UPF2: variants seen among roughly 807,000 people sequenced by gnomAD.
The protein encoded by UPF2 is regulator of nonsense transcripts 2.
In UPF2, 17 loss-of-function variants were observed where a neutral mutation model predicts 141.4. The ratio of observed to expected loss-of-function variants is 0.12; its 90% CI spans 0.08 to 0.18. The LOEUF (loss-of-function observed/expected upper bound fraction) is 0.18, where lower values mean the gene tolerates loss of function less well. Among genes scored for constraint, UPF2 ranks in the 10% least tolerant of loss-of-function variants. The probability of loss-of-function intolerance (pLI) is 1.00; values close to 1 mark genes in which losing one functional copy is unlikely to be tolerated. For synonymous variants in UPF2, 540 were observed against 498.0 expected (o/e 1.08, Z -1.12); for missense variants, 1,152 against 1,515.9 (o/e 0.76, Z 3.99).
In UPF2 at chr10:12,035,441, T is replaced by C; in HGVS notation, c.-18A>G. On this transcript the variant is annotated splice_region_variant and 5_prime_UTR_variant, in exon 2 of 22. Coordinates refer to ENST00000357604, the MANE Select transcript of UPF2 (RefSeq NM_015542.4). ...GCTGGCATTATGTGACCCAGGACAA[T>C]CTGTAAGAGGGAAAGAATGTCAGTA... 6.6e-7 allele frequency: 1 copy of C among 1,525,772 alleles called. No individual in the cohort carries two copies. The highest frequency in any genetic ancestry group is 2.4e-5 in the Admixed American group (1 of 40,952). 94.5% of individuals were successfully genotyped at this position (1,525,772 alleles called of 1,614,324 possible). A position where few individuals can be genotyped will look rare whatever the true frequency, so the allele number is the denominator to read the frequency against.
chr10:12,006,249 T>C (rs1034375057), intron 4 of UPF2, among the ~76,000 whole-genome samples: 2 of 152,212 alleles, frequency 1.3e-5, no homozygotes, highest in South Asian at 2.1e-4. Context: ...AGATGAAGCG[T>C]ACAGATCTCT....
chr10:12,005,630 G>C (rs541571741), intron 4 of UPF2, among the ~76,000 whole-genome samples: 1 of 152,142 alleles, frequency 6.6e-6, no homozygotes, highest in African/African-American at 2.4e-5. Context: ...GTACAATGGC[G>C]CAACATCAGC....
At chr10:12,017,987 T>C (rs967883858) in intron 3 of UPF2, among the ~76,000 whole-genome samples, 1 of 152,236 alleles carries the variant, frequency 6.6e-6, no homozygotes, top group African/African-American at 2.4e-5. Flanking sequence ...TGCCAATTAA[T>C]ACAGTATGAC....
At chr10:12,012,342 G>A (rs987307752) in intron 4 of UPF2, among the ~76,000 whole-genome samples, 16 of 152,082 alleles carry the variant, frequency 1.1e-4, no homozygotes, top group African/African-American at 3.6e-4. Flanking sequence ...GATTAGAGGC[G>A]TGAGCCACCG....
chr10:11,999,783 G>A, intron 7 of UPF2, 123 bp downstream of exon 7: 1 of 783,156 alleles, frequency 1.3e-6, no homozygotes, highest in Admixed American at 2.4e-5. Flanking sequence ...TCCCATCTAA[G>A]ACTTTATTTG....
At chr10:11,949,296 AAC>A (rs1833044257) in intron 15 of UPF2, among the ~76,000 whole-genome samples, 2 of 152,188 alleles carry the variant, frequency 1.3e-5, no homozygotes, top group South Asian at 4.1e-4. Context: ...CCTGTCACAG[AAC>A]ACACTGCTTT....
At chr10:11,923,006 C>T (rs1161578764) in intron 21 of UPF2, among the ~76,000 whole-genome samples, 2 of 152,088 alleles carry the variant, frequency 1.3e-5, no homozygotes, top group Non-Finnish European at 2.9e-5. Context: ...TGTACTCCAG[C>T]CTGGGTGACA....
In UPF2 at chr10:12,029,392, T is replaced by C. The variant is rs776438683; in HGVS notation, c.498A>G (p.Ser166=). The change falls in exon 3 of 22, where the codon TCA becomes TCG. Residue 166 remains serine (S), a synonymous_variant. Coordinates refer to ENST00000357604, the MANE Select transcript of UPF2 (RefSeq NM_015542.4). The part of the protein sequence containing the change: ...PEENFFSRLD[S]SLKKNTAFVK... ...CAAAAGCAGTATTTTTCTTCAAACT[T>C]GAGTCGAGGCGGCTGAAGAAGTTTT... 1 of 1,614,222 alleles carries C rather than the reference T, an allele frequency of 6.2e-7. No homozygotes were observed. Among genetic ancestry groups the C allele is most frequent in the African/African-American group, 1.3e-5 (1 of 75,060 alleles).
At chr10:11,946,861 T>G (rs1013241975) in intron 16 of UPF2, among the ~76,000 whole-genome samples, 3 of 152,190 alleles carry the variant, frequency 2.0e-5, no homozygotes, top group African/African-American at 7.2e-5. Flanking sequence ...ACTATAGATG[T>G]GCACAGCTTC....
chr10:11,993,147 CTCAAA>C (rs1564358971), intron 8 of UPF2, among the ~76,000 whole-genome samples: 1 of 71,552 alleles, frequency 1.4e-5, no homozygotes, highest in Admixed American at 1.8e-4. Flanking sequence ...GAGGCTCCAC[CTCAAA>C]AAAAAAAAAA....
At chr10:11,938,868 T>TTTTTTTTTTTTTTTTTG (rs1832897282) in intron 18 of UPF2, among the ~76,000 whole-genome samples, 4 of 90,822 alleles carry the variant, frequency 4.4e-5, no homozygotes, top group African/African-American at 7.4e-5. Context: ...TTTTTTTTTT[T>TTTTTTTTTTTTTTTTTG]TTTTTTTTTT....
rs113766805 is a variant in UPF2, at chr10:11,921,657, G to T, written c.3810-350C>A. On this transcript the variant is annotated intron_variant, in intron 21 of 21. Transcript: ENST00000357604. The surrounding 1 kb of genome is among the most constrained non-coding windows in gnomAD (Gnocchi z 5.9). ...TTTTTTACCAGGGACTTGAATGTCT[G>T]TGCATTTTGGTGTCTGAGGGGATCC... 2.6e-5 allele frequency among the ~76,000 whole-genome samples: 4 copies of T among 152,284 alleles called. No homozygotes were observed. Among genetic ancestry groups the T allele is most frequent in the African/African-American group, 7.2e-5 (3 of 41,536 alleles).
chr10:11,978,197 C>T (rs10752250), intron 9 of UPF2, among the ~76,000 whole-genome samples: 127,318 of 152,260 alleles, frequency 0.84, 53,791 homozygotes, highest in East Asian at 1. Flanking sequence ...AGCTTGGCAA[C>T]ACTACTGACT....
intron 3 of UPF2, among the ~76,000 whole-genome samples, chr10:12,024,713 G>T (rs527467908): frequency 6.6e-6 from 1 of 151,866 alleles, no homozygotes; most frequent in Admixed American, 6.6e-5. Context: ...CAGGAGGATC[G>T]CTTGACCCCA....
Position 12,013,802 on chromosome 10 carries a change from G to A in UPF2, c.1306+222C>T, listed in dbSNP as rs548809674. On this transcript the variant is annotated intron_variant, in intron 4 of 21. Coordinates refer to ENST00000357604, the MANE Select transcript of UPF2 (RefSeq NM_015542.4). ...TTTAATAGAGATGGGGTCTCACTAT[G>A]TTGCCCAGGCTGCTATCAAACTCCT... 1.2e-4 allele frequency among the ~76,000 whole-genome samples: 18 copies of A among 152,048 alleles called. No homozygotes were observed. The South Asian group carries it at 3.5e-3, about 30-fold the overall frequency.
chr10:12,012,266 T>C lies in UPF2; in HGVS notation c.1306+1758A>G, dbSNP rs1014528807. Among the ~76,000 whole-genome samples, 5 of 306 alleles carry C rather than the reference T, an allele frequency of 0.016. No individual in the cohort carries two copies. The Non-Finnish European group carries it at 0.21, about 13-fold the overall frequency. 0.2% of individuals were successfully genotyped at this position (306 alleles called of 152,430 possible). On this transcript the variant is annotated intron_variant, in intron 4 of 21. Coordinates refer to ENST00000357604, the MANE Select transcript of UPF2 (RefSeq NM_015542.4). ...TTAGTAGAGACACGGTTTCACCATG[T>C]TGCGCCAAGCTGTTCTCGAACTCCT... is the stretch of plus-strand genomic sequence containing the variant.
rs879908366 is a variant in UPF2 at position 12,034,327 on chromosome 10, ATT to A, written c.365+730_365+731del. On this transcript the variant is annotated intron_variant, in intron 2 of 21. Transcript: ENST00000357604. ...AAAAAAGTTTTTATTTTATTATTTTATTTTTTTTTTTTTGAGATGCAGTCTTG... is the reference window on the plus strand; with the variant it reads ...AAAAAAGTTTTTATTTTATTATTTTATTTTTTTTTTTGAGATGCAGTCTTG... Among the ~76,000 whole-genome samples, 109 of 151,048 alleles carry A rather than the reference ATT, an allele frequency of 7.2e-4. 2 individuals are homozygous for A. The highest frequency in any genetic ancestry group is 2.4e-3 in the African/African-American group (99 of 41,106).
intron 3 of UPF2, among the ~76,000 whole-genome samples, chr10:12,024,931 C>CA (rs61678431): frequency 0.12 from 6,362 of 53,426 alleles, 1,910 homozygotes; most frequent in African/African-American, 0.15. Context: ...GACCCTGTTA[C>CA]AAAAAAAAAA....
At chr10:11,968,033 G>A (rs1244490399) in intron 9 of UPF2, among the ~76,000 whole-genome samples, 2 of 152,108 alleles carry the variant, frequency 1.3e-5, no homozygotes, top group African/African-American at 2.4e-5. Context: ...ACAAAAATTA[G>A]CCAGGCGTAG....
Sources: allele counts gnomAD v4.1 joint callset (sites outside exome capture counted in the v4.1 genomes callset), GRCh38; gene constraint gnomAD v4.1.1; non-coding constraint Gnocchi (gnomAD v3.1); transcripts MANE v1.5; gene names NCBI Gene and HGNC (gene_info 2026-07-23, HGNC 2026-07-21).